The following FBXO34 variants were observed in gnomAD, a reference collection of about 807,000 sequenced individuals.
FBXO34 encodes the protein F-box protein 34, also known as F-box only protein 34.
A neutral mutation model predicts 24.5 loss-of-function variants in FBXO34; 12 were observed. That is an observed-to-expected ratio of 0.49 (90% confidence interval 0.31 to 0.79). The LOEUF (loss-of-function observed/expected upper bound fraction) is 0.79. FBXO34 is among the 30% of genes least tolerant of loss of function. The pLI is 0.04. For missense variants in FBXO34, 823 were observed against 857.7 expected, an observed-to-expected ratio of 0.96 and a Z score of 0.51; for synonymous variants, 320 against 311.9, an observed-to-expected ratio of 1.03 and a Z score of -0.27.
At chr14:55,363,156 G>C (rs1884616600), downstream of FBXO34, among the ~76,000 whole-genome samples, 1 of 150,112 alleles carries the variant, frequency 6.7e-6, no homozygotes, top group Non-Finnish European at 1.5e-5. Context: ...CTGAGTAGTT[G>C]GGATTACAAG....
Position 55,350,573 on chromosome 14 carries a change from A to T in FBXO34, c.183A>T (p.Pro61=), listed in dbSNP as rs754021405. The change falls in exon 2 of 2, where the codon CCA becomes CCT. Residue 61 remains proline (P), a synonymous_variant. Transcript: ENST00000313833. ...ASLGKASSRK[P]FGILSPNVLC... is the part of the protein sequence containing the mutation. ...TCGGTAAAGCATCATCTCGAAAGCC[A>T]TTTGGGATCCTTTCTCCAAATGTTC... 1.2e-6 allele frequency: 2 copies of T among 1,612,926 alleles called. No individual in the cohort carries two copies. Among genetic ancestry groups the T allele is most frequent in the South Asian group, 2.2e-5 (2 of 91,016 alleles).
the FBXO34 span, among the ~76,000 whole-genome samples, chr14:55,379,779 T>C: frequency 6.6e-6 from 1 of 152,160 alleles, no homozygotes; most frequent in Non-Finnish European, 1.5e-5. Flanking sequence ...TGGAGTGCAG[T>C]GGTGTGATCT....
rs147459709 is a variant in FBXO34, at chr14:55,329,804, C to T, written c.-10-20577C>T. On this transcript the variant is annotated intron_variant, in intron 1 of 1. Coordinates refer to ENST00000313833, the MANE Select transcript of FBXO34 (RefSeq NM_017943.4). ...CTTAGCCTCTTTAAGCCTTACTATTCCTCTTTTCCTAATTCCGTGCCAGGA... is the reference window on the plus strand; with the variant it reads ...CTTAGCCTCTTTAAGCCTTACTATTTCTCTTTTCCTAATTCCGTGCCAGGA... Among the ~76,000 whole-genome samples the T allele has an allele frequency of 3.1e-3, 472 of 152,160 alleles. 1 individual carries two copies. Among genetic ancestry groups the T allele is most frequent in the Middle Eastern group, 0.024 (7 of 294 alleles).
the FBXO34 span, chr14:55,378,223 C>T: frequency 1.6e-6 from 1 of 639,800 alleles, no homozygotes; most frequent in Non-Finnish European, 2.8e-6. Flanking sequence ...TAAGAATACA[C>T]CATTCCCCTC....
intron 1 of FBXO34, among the ~76,000 whole-genome samples, chr14:55,293,626 G>T (rs1882020946): frequency 6.6e-6 from 1 of 151,636 alleles, no homozygotes. Context: ...ATCAATGAAG[G>T]CTTAATAAGC....
chr14:55,388,124 G>C, the FBXO34 span, among the ~76,000 whole-genome samples: 2 of 152,152 alleles, frequency 1.3e-5, no homozygotes, highest in Non-Finnish European at 2.9e-5. Flanking sequence ...GCGAAAGAGC[G>C]AGACTCCATC....
chr14:55,311,837 C>T (rs1882752401), intron 1 of FBXO34, among the ~76,000 whole-genome samples: 1 of 151,006 alleles, frequency 6.6e-6, no homozygotes, highest in South Asian at 2.1e-4. Context: ...AAGAAATTCT[C>T]CTGCCTTAGC....
chr14:55,304,803 T>C (rs1249648917), intron 1 of FBXO34, among the ~76,000 whole-genome samples: 1 of 152,080 alleles, frequency 6.6e-6, no homozygotes, highest in African/African-American at 2.4e-5. Context: ...CAACCCACCC[T>C]AGCCCATTTT....
the FBXO34 span, among the ~76,000 whole-genome samples, chr14:55,382,616 G>A: frequency 6.6e-6 from 1 of 152,154 alleles, no homozygotes; most frequent in Non-Finnish European, 1.5e-5. Flanking sequence ...CAGCCAAAGT[G>A]CAAATATTTC....
the FBXO34 span, chr14:55,377,871 T>C: frequency 6.2e-7 from 1 of 1,606,252 alleles, no homozygotes; most frequent in Non-Finnish European, 8.5e-7. Flanking sequence ...TTCCTGAGGG[T>C]ATGCAGTGGT....
chr14:55,431,569 T>A, the FBXO34 span, among the ~76,000 whole-genome samples: 1 of 152,220 alleles, frequency 6.6e-6, no homozygotes, highest in Non-Finnish European at 1.5e-5. Context: ...ATTACAGACA[T>A]CTTGCACAAC....
chr14:55,340,947 A>G (rs560295822), intron 1 of FBXO34, among the ~76,000 whole-genome samples: 3 of 152,364 alleles, frequency 2.0e-5, no homozygotes, highest in Admixed American at 6.5e-5. Flanking sequence ...AAGTGATGTC[A>G]GAAATTGCTA....
downstream of FBXO34, among the ~76,000 whole-genome samples, chr14:55,355,538 C>CT (rs940104334): frequency 2.6e-5 from 4 of 152,214 alleles, no homozygotes; most frequent in East Asian, 7.7e-4. Flanking sequence ...AACATACACA[C>CT]TTTTTTTCTT....
At chr14:55,440,328 G>T in the FBXO34 span, 1 of 1,579,664 alleles carries the variant, frequency 6.3e-7, no homozygotes, top group Non-Finnish European at 8.6e-7. Flanking sequence ...AGGAACGAAG[G>T]CAAAGCCCTT....
At chr14:55,427,254 G>C in the FBXO34 span, among the ~76,000 whole-genome samples, 1 of 135,286 alleles carries the variant, frequency 7.4e-6, no homozygotes, top group African/African-American at 3.4e-5. Context: ...TTAAAAAATG[G>C]GGTATATTTA....
the FBXO34 span, among the ~76,000 whole-genome samples, chr14:55,421,085 A>G: frequency 1.3e-5 from 2 of 151,756 alleles, no homozygotes; most frequent in African/African-American, 4.8e-5. Context: ...AAAAGAAAAA[A>G]GAAATTTGGG....
chr14:55,359,193 G>C (rs938182159), intron 3 of FBXO34, among the ~76,000 whole-genome samples: 16 of 152,068 alleles, frequency 1.1e-4, no homozygotes, highest in African/African-American at 3.6e-4. Context: ...TATTTTGTCA[G>C]AACAAGCCTC....
At chr14:55,292,403 A>C (rs1201705415) in intron 1 of FBXO34, among the ~76,000 whole-genome samples, 1 of 151,852 alleles carries the variant, frequency 6.6e-6, no homozygotes, top group African/African-American at 2.4e-5. Flanking sequence ...TCTGTCATTC[A>C]GGCTGGAGTG....
chr14:55,337,934 T>C (rs564196149), intron 1 of FBXO34, among the ~76,000 whole-genome samples: 1 of 152,202 alleles, frequency 6.6e-6, no homozygotes, highest in Non-Finnish European at 1.5e-5. Context: ...CTTTGACTCC[T>C]GACCGCACAC....
Sources: gnomAD v4.1 joint callset for allele counts (sites outside exome capture counted in the v4.1 genomes callset) on GRCh38, gnomAD v4.1.1 for gene constraint, MANE v1.5 for transcripts, NCBI Gene and HGNC (gene_info 2026-07-23, HGNC 2026-07-21) for gene names.